VAT1L: variants seen among roughly 807,000 people sequenced by gnomAD.
The protein encoded by VAT1L is vesicle amine transport 1 like.
Under a neutral mutation model 44.1 loss-of-function variants are expected in VAT1L, and 34 were observed. The ratio of observed to expected loss-of-function variants is 0.77; its 90% confidence interval spans 0.59 to 1.03. The LOEUF (loss-of-function observed/expected upper bound fraction) is 1.03, where lower values mean the gene tolerates loss of function less well. Ranked by LOEUF, VAT1L falls within the 50% of genes least tolerant of loss-of-function variation. The pLI is 0.00. For synonymous variants in VAT1L, 253 were observed against 202.2 expected, an observed-to-expected ratio of 1.25 and a Z score of -2.13; for missense variants, 615 against 538.8, an observed-to-expected ratio of 1.14 and a Z score of -1.40.
chr16:77,824,543 C>T (rs574957121), intron 2 of VAT1L, among the ~76,000 whole-genome samples: 9 of 151,920 alleles, frequency 5.9e-5, no homozygotes, highest in Admixed American at 1.3e-4. Flanking sequence ...ATCATGGGGT[C>T]AGGAGATCGA....
At position 77,969,226 on chromosome 16, in the gene VAT1L, A is replaced by G. The variant is rs534402245; in HGVS notation, c.1078-2624A>G. ...CTGGGTCTGTTTAGTAAACATTATC[A>G]ATCTGTTCCCTTAACCGTGAGTATC... On this transcript the variant is annotated intron_variant, in intron 7 of 8. Coordinates refer to ENST00000302536, the MANE Select transcript of VAT1L (RefSeq NM_020927.3). Among the ~76,000 whole-genome samples the G allele has an allele frequency of 2.0e-5, 3 of 152,326 alleles. No homozygotes were observed. The South Asian group carries it at 6.2e-4, about 32-fold the overall frequency.
intron 3 of VAT1L, among the ~76,000 whole-genome samples, chr16:77,838,727 CTTT>C: frequency 6.6e-6 from 1 of 151,326 alleles, no homozygotes; most frequent in East Asian, 1.9e-4. Flanking sequence ...TTTTTTCACT[CTTT>C]TTCTGTCTCC....
chr16:77,957,038 T>C lies in VAT1L; in HGVS notation c.1078-14812T>C, dbSNP rs536263522. Among the ~76,000 whole-genome samples, 51 of 152,326 alleles carry C rather than the reference T, an allele frequency of 3.3e-4. No homozygotes were observed. In the South Asian group the frequency reaches 0.01, roughly 31 times the overall value. On this transcript the variant is annotated intron_variant, in intron 7 of 8. Transcript: ENST00000302536. ...TCACCTCTGACTTCTATTAAAGTAATTGTGGATTTTGCCATTGAAAATAAG... is the reference window on the plus strand; with the variant it reads ...TCACCTCTGACTTCTATTAAAGTAACTGTGGATTTTGCCATTGAAAATAAG...
At chr16:77,827,863 C>G (rs2016540866) in intron 3 of VAT1L, among the ~76,000 whole-genome samples, 1 of 152,058 alleles carries the variant, frequency 6.6e-6, no homozygotes, top group South Asian at 2.1e-4. Context: ...GCAACTGTTT[C>G]CATGAAGGTT....
chr16:77,902,739 G>GGT lies in VAT1L; in HGVS notation c.1077+17941_1077+17942dup, dbSNP rs1555518311. On this transcript the variant is annotated intron_variant, in intron 7 of 8. Transcript: ENST00000302536. ...GGGAGGCCGATGGGGGGGTGGGGGG[G>GGT]GTGTGGATCACCTGAGGTCAGGAGT... Among the ~76,000 whole-genome samples the GGT allele has an allele frequency of 6.0e-3, 799 of 133,552 alleles. 29 individuals are homozygous for GGT. The highest frequency in any genetic ancestry group is 0.044 in the Admixed American group (580 of 13,158). 87.6% of individuals were successfully genotyped at this position (133,552 alleles called of 152,430 possible). A position where few individuals can be genotyped will look rare whatever the true frequency, so the allele number is the denominator to read the frequency against.
At chr16:77,933,321 A>G (rs890659113) in intron 7 of VAT1L, among the ~76,000 whole-genome samples, 1 of 152,216 alleles carries the variant, frequency 6.6e-6, no homozygotes, top group Non-Finnish European at 1.5e-5. Flanking sequence ...ACTCAAACCC[A>G]TATCTTCCTG....
intron 3 of VAT1L, among the ~76,000 whole-genome samples, chr16:77,852,636 T>A (rs1362951760): frequency 6.6e-6 from 1 of 152,154 alleles, no homozygotes; most frequent in Admixed American, 6.5e-5. Context: ...GGCAATATGA[T>A]GTTGGGTGGA....
At chr16:77,931,080 G>C (rs1303058299) in intron 7 of VAT1L, among the ~76,000 whole-genome samples, 1 of 152,144 alleles carries the variant, frequency 6.6e-6, no homozygotes, top group African/African-American at 2.4e-5. Flanking sequence ...GTTAGTGGTG[G>C]ACCTGCAATT....
At chr16:77,802,111 C>T (rs1022157611) in intron 1 of VAT1L, among the ~76,000 whole-genome samples, 4 of 152,196 alleles carry the variant, frequency 2.6e-5, no homozygotes, top group African/African-American at 7.2e-5. Flanking sequence ...CACCCTCCCA[C>T]CGCTTTGAGC....
chr16:77,940,772 T>C (rs1352962116), intron 7 of VAT1L, among the ~76,000 whole-genome samples: 2 of 152,200 alleles, frequency 1.3e-5, no homozygotes, highest in Non-Finnish European at 2.9e-5. Context: ...ACCTAATGTA[T>C]GTTTCCCAAA....
chr16:77,969,442 C>T, intron 7 of VAT1L, among the ~76,000 whole-genome samples: 1 of 152,032 alleles, frequency 6.6e-6, no homozygotes, highest in Non-Finnish European at 1.5e-5. Context: ...GATTCAGTTC[C>T]TCACTGGCAT....
At chr16:77,897,819 G>A (rs990639798) in intron 7 of VAT1L, among the ~76,000 whole-genome samples, 4 of 152,144 alleles carry the variant, frequency 2.6e-5, no homozygotes, top group Non-Finnish European at 5.9e-5. Context: ...GGTTTGTCCT[G>A]TAGCACTTCA....
chr16:77,883,088 A>T (rs961473414), intron 6 of VAT1L, among the ~76,000 whole-genome samples: 1 of 152,022 alleles, frequency 6.6e-6, no homozygotes, highest in African/African-American at 2.4e-5. Context: ...CTTCCCAATT[A>T]AAAAAAATAA....
At position 77,977,925 on chromosome 16, in the gene VAT1L, C is replaced by T. The variant is rs2018358992; in HGVS notation, c.*230C>T. 1 of 479,740 alleles carries T rather than the reference C, an allele frequency of 2.1e-6. No homozygotes were observed. Among genetic ancestry groups the T allele is most frequent in the Non-Finnish European group, 3.8e-6 (1 of 262,222 alleles). The allele number at this position is 479,740 out of a possible 1,614,324, so 29.7% of individuals were successfully genotyped here. On this transcript the variant is annotated 3_prime_UTR_variant, in exon 9 of 9. Coordinates refer to ENST00000302536, the MANE Select transcript of VAT1L (RefSeq NM_020927.3). Reference sequence around the variant, plus strand: ...CTGTGTATTACACATTCCCCTCTCCCCTGTATCAAAACCATCCATCTGTGG... The same window carrying T: ...CTGTGTATTACACATTCCCCTCTCCTCTGTATCAAAACCATCCATCTGTGG...
intron 3 of VAT1L, among the ~76,000 whole-genome samples, chr16:77,850,358 A>T (rs1052957730): frequency 6.6e-6 from 1 of 152,182 alleles, no homozygotes; most frequent in African/African-American, 2.4e-5. Context: ...AGTTCAGAGT[A>T]ACCAGGTCAA....
In VAT1L at chr16:77,880,226, G is replaced by A. The variant is rs564970463; in HGVS notation, c.882+1002G>A. On this transcript the variant is annotated intron_variant, in intron 6 of 8. Transcript: ENST00000302536. The stretch of plus-strand genomic sequence containing the variant: ...GGTTGGAGTGCCGTGGCATGGTCTC[G>A]GCTCACTGCAACCTCCACCTCCTGG... 4.6e-5 allele frequency among the ~76,000 whole-genome samples: 7 copies of A among 152,036 alleles called. No homozygotes were observed. The South Asian group carries it at 8.3e-4, about 18-fold the overall frequency.
At chr16:77,802,553 G>T (rs1005797165) in intron 1 of VAT1L, among the ~76,000 whole-genome samples, 3 of 151,402 alleles carry the variant, frequency 2.0e-5, no homozygotes, top group African/African-American at 7.3e-5. Flanking sequence ...GGCAGAGGTG[G>T]CAGTGAGCCG....
At chr16:77,945,180 G>T (rs570826952) in intron 7 of VAT1L, among the ~76,000 whole-genome samples, 1 of 150,472 alleles carries the variant, frequency 6.6e-6, no homozygotes, top group African/African-American at 2.4e-5. Flanking sequence ...CCCAAGAACT[G>T]TTCTAGCACA....
At chr16:77,826,053 A>ATTAGCCGG (rs2016518054) in intron 3 of VAT1L, among the ~76,000 whole-genome samples, 1 of 132,604 alleles carries the variant, frequency 7.5e-6, no homozygotes, top group Non-Finnish European at 1.6e-5. Context: ...AAAAAAAGAA[A>ATTAGCCGG]GAAATTAGCC....
Sources: allele counts gnomAD v4.1 joint callset (sites outside exome capture counted in the v4.1 genomes callset), GRCh38; gene constraint gnomAD v4.1.1; transcripts MANE v1.5; gene names NCBI Gene and HGNC (gene_info 2026-07-23, HGNC 2026-07-21).